HDGF: variants seen among roughly 807,000 people sequenced by gnomAD.
HDGF encodes the protein hepatoma-derived growth factor.
Under a neutral mutation model 30.0 loss-of-function variants are expected in HDGF, and 5 were observed. The observed-to-expected ratio is 0.17, with a 90% confidence interval of 0.09 to 0.35. The LOEUF is 0.35. Ranked by LOEUF, HDGF falls within the 10% of genes least tolerant of loss-of-function variation. The pLI, the probability that HDGF is intolerant of heterozygous loss-of-function variation, is 1.00. For missense variants in HDGF, 214 were observed against 302.8 expected (o/e 0.71, Z 2.18); for synonymous variants, 133 against 112.7 (o/e 1.18, Z -1.14).
chr1:156,744,125 G>A (rs1185856199), intron 4 of HDGF, 38 bp downstream of exon 4: 2 of 1,601,542 alleles, frequency 1.2e-6, no homozygotes, highest in Non-Finnish European at 1.7e-6. Flanking sequence ...CATGGGGAAT[G>A]TTGAGGGGGG....
chr1:156,762,269 C>T (rs1294560232), intron 1 of HDGF, among the ~76,000 whole-genome samples: 1 of 151,060 alleles, frequency 6.6e-6, no homozygotes, highest in African/African-American at 2.4e-5. Context: ...ACAGGCCGAG[C>T]ATGGTGGCTC....
intron 1 of HDGF, among the ~76,000 whole-genome samples, chr1:156,763,748 G>A (rs1168504955): frequency 6.6e-6 from 1 of 151,556 alleles, no homozygotes. Flanking sequence ...ACCACGCCCA[G>A]CTAACTTTTT....
At chr1:156,751,972 G>C (rs889926685), upstream of HDGF, 1 of 1,454,474 alleles carries the variant, frequency 6.9e-7, no homozygotes, top group Non-Finnish European at 9.4e-7. This position sits in a 1 kb window ranked among gnomAD's most constrained non-coding sequence, Gnocchi z 4.7. Context: ...CGCCCGCCCG[G>C]GAGGAGCTGG....
intron 2 of HDGF, chr1:156,758,838 A>G (rs1380277903): frequency 6.6e-6 from 1 of 152,286 alleles, no homozygotes; most frequent in Non-Finnish European, 1.5e-5. Flanking sequence ...TAATTGCCAT[A>G]AAAGGATTTG....
At chr1:156,752,115 A>G (rs1201995095), upstream of HDGF, 1 of 1,551,274 alleles carries the variant, frequency 6.4e-7, no homozygotes, top group Non-Finnish European at 8.7e-7. Flanking sequence ...TCAATCCACA[A>G]ATATTTACTG....
chr1:156,764,477 G>A (rs1007618775), intron 1 of HDGF, among the ~76,000 whole-genome samples: 1 of 152,140 alleles, frequency 6.6e-6, no homozygotes, highest in African/African-American at 2.4e-5. Context: ...GATTACAGGC[G>A]TGAGCCACTG....
rs1422138502 is a variant in HDGF, at chr1:156,760,422, C to T, written n.137-1203G>A. 2.0e-5 allele frequency among the ~76,000 whole-genome samples: 3 copies of T among 152,224 alleles called. No homozygotes were observed. The East Asian group carries it at 5.8e-4, about 29-fold the overall frequency. On this transcript the variant is annotated intron_variant and non_coding_transcript_variant, in intron 1 of 7. Coordinates refer to the HDGF transcript ENST00000465180. ...TCTCAGGGTAGAGGTAGCCTCCCCACATGCTGGGCAGCAGCTCTGGCTAGG... is the reference window on the plus strand; with the variant it reads ...TCTCAGGGTAGAGGTAGCCTCCCCATATGCTGGGCAGCAGCTCTGGCTAGG...
At chr1:156,754,412 C>T (rs2102734671), upstream of HDGF, among the ~76,000 whole-genome samples, 1 of 152,320 alleles carries the variant, frequency 6.6e-6, no homozygotes. Flanking sequence ...AATAATACAA[C>T]CAGGGTTCCT....
chr1:156,745,398 TTAGC>T (rs1417900434), intron 1 of HDGF, 25 bp from the exon 2 acceptor site: 1 of 1,604,800 alleles, frequency 6.2e-7, no homozygotes, highest in African/African-American at 1.3e-5. Context: ...GGGGGTGAGG[TTAGC>T]TAGAGTCCTG....
chr1:156,765,551 T>C (rs1571564344), intron 1 of HDGF, among the ~76,000 whole-genome samples: 1 of 131,648 alleles, frequency 7.6e-6, no homozygotes, highest in South Asian at 2.7e-4. Context: ...CTCGGCTTAC[T>C]GCAACCTCTG....
chr1:156,743,063 A>C lies in HDGF; in HGVS notation c.*386T>G, dbSNP rs1241240938. On this transcript the variant is annotated 3_prime_UTR_variant, in exon 6 of 6. Coordinates refer to ENST00000357325, the MANE Select transcript of HDGF (RefSeq NM_004494.3). ...TTGATGCTCCATCCTTTCCATTCCT[A>C]CCCCTGATCCCAACCCAGAGGTCCA... 3.8e-5 allele frequency: 7 copies of C among 184,616 alleles called. No homozygotes were observed. The highest frequency in any genetic ancestry group is 2.1e-3 in the Middle Eastern group (1 of 478). The allele number at this position is 184,616 out of a possible 1,614,324, so 11.4% of individuals were successfully genotyped here. A position where few individuals can be genotyped will look rare whatever the true frequency, so the allele number is the denominator to read the frequency against.
At chr1:156,755,128 C>T (rs1571559945), upstream of HDGF, among the ~76,000 whole-genome samples, 2 of 152,164 alleles carry the variant, frequency 1.3e-5, no homozygotes, top group Admixed American at 6.5e-5. Flanking sequence ...AATTCACAAA[C>T]GTCTCAGTGA....
At position 156,744,205 on chromosome 1, in the gene HDGF, G is replaced by T. The variant is rs903307133; in HGVS notation, c.447C>A (p.Asn149Lys). 6.2e-7 allele frequency: 1 copy of T among 1,614,026 alleles called. No homozygotes were observed. The highest frequency in any genetic ancestry group is 1.7e-5 in the Admixed American group (1 of 60,000). Residue 149 changes from asparagine to lysine, a missense_variant, in exon 4 of 6, where the codon AAC becomes AAA. Around this residue, in one of 2 missense-constraint regions of HDGF, gnomAD observed 176 missense variants for 211.7 expected, o/e 0.83. Transcript: ENST00000357325. ...CTCTCCTCTTCAACGCTCCTTTCTC[G>T]TTCTTCTCCTTGGCTGGCTCATCAA... ...LVIDEPAKEK[N>K]EKGALKRRAG...
At position 156,744,271 on chromosome 1, in the gene HDGF, C is replaced by T. The variant is rs752558374; in HGVS notation, c.381G>A (p.Gly127=). 6.2e-7 allele frequency: 1 copy of T among 1,614,058 alleles called. No individual in the cohort carries two copies. Among genetic ancestry groups the T allele is most frequent in the Admixed American group, 1.7e-5 (1 of 60,006 alleles). ...EAAEGDGDKK[G]NAEGSSDEEG... is the part of the protein sequence containing the mutation. ...CCTCGTCGCTGCTGCCCTCTGCATT[C>T]CCCTTCTTATCACCGTCACCCTCTG... The change falls in exon 4 of 6, where the codon GGG becomes GGA. Residue 127 remains glycine (G), a synonymous_variant. Coordinates refer to ENST00000357325, the MANE Select transcript of HDGF (RefSeq NM_004494.3).
chr1:156,765,520 G>A (rs1651343526), intron 1 of HDGF, among the ~76,000 whole-genome samples: 2 of 130,000 alleles, frequency 1.5e-5, no homozygotes, highest in African/African-American at 5.8e-5. Flanking sequence ...ACTTGCCTGG[G>A]CTGGAATGCA....
chr1:156,757,358 C>T (rs139779235), upstream of HDGF, among the ~76,000 whole-genome samples: 2,934 of 151,746 alleles, frequency 0.019, 93 homozygotes, highest in African/African-American at 0.068. Flanking sequence ...CCTAGCTACT[C>T]GGGAGGCTGG....
chr1:156,761,444 A>G (rs1264146798), intron 1 of HDGF, among the ~76,000 whole-genome samples: 2 of 150,706 alleles, frequency 1.3e-5, no homozygotes, highest in South Asian at 2.1e-4. Flanking sequence ...CCCCATCTCT[A>G]CTAAAAATAT....
intron 1 of HDGF, among the ~76,000 whole-genome samples, chr1:156,765,389 G>A (rs1199797522): frequency 6.7e-6 from 1 of 150,270 alleles, no homozygotes; most frequent in East Asian, 1.9e-4. Flanking sequence ...CACCGCACCC[G>A]ACCTTCTTTA....
intron 5 of HDGF, 43 bp downstream of exon 5, chr1:156,743,609 T>TC (rs1487653522): frequency 2.8e-5 from 43 of 1,556,470 alleles, no homozygotes; most frequent in Non-Finnish European, 3.8e-5. Context: ...GAGTGGCCGG[T>TC]CCCCCCTAGT....
Sources: allele counts gnomAD v4.1 joint callset (sites outside exome capture counted in the v4.1 genomes callset), GRCh38; gene constraint gnomAD v4.1.1; regional missense constraint gnomAD v4.1.1; non-coding constraint Gnocchi (gnomAD v3.1); transcripts MANE v1.5; gene names NCBI Gene and HGNC (gene_info 2026-07-23, HGNC 2026-07-21).